The following LEKR1 variants were observed in gnomAD, a reference collection of about 807,000 sequenced individuals.
LEKR1 encodes leucine, glutamate and lysine rich 1.
In LEKR1, 59 loss-of-function variants were observed where a neutral mutation model predicts 72.4. The observed-to-expected ratio is 0.82, with a 90% confidence interval of 0.66 to 1.01. The LOEUF is 1.01. LEKR1 is among the 50% of genes least tolerant of loss of function. LEKR1 has a pLI of 0.00. For synonymous variants in LEKR1, 257 were observed against 263.2 expected (o/e 0.98, Z 0.23); for missense variants, 728 against 759.2 (o/e 0.96, Z 0.48).
intron 3 of LEKR1, among the ~76,000 whole-genome samples, chr3:156,899,723 T>G (rs36155501): frequency 2.8e-5 from 3 of 107,592 alleles, no homozygotes. Context: ...CATATATACA[T>G]GCATATATAC....
chr3:156,883,152 T>C (rs1034165998), intron 3 of LEKR1, among the ~76,000 whole-genome samples: 1 of 146,740 alleles, frequency 6.8e-6, no homozygotes, highest in Admixed American at 6.6e-5. Context: ...TAAAGTATAA[T>C]AATAATAAAG....
intron 3 of LEKR1, among the ~76,000 whole-genome samples, chr3:156,871,355 A>G (rs956236116): frequency 6.6e-6 from 1 of 152,098 alleles, no homozygotes; most frequent in Non-Finnish European, 1.5e-5. Context: ...CCAGTCTATC[A>G]TTGTTGGACA....
At chr3:157,023,982 A>T (rs1734024082) in intron 10 of LEKR1, among the ~76,000 whole-genome samples, 1 of 152,200 alleles carries the variant, frequency 6.6e-6, no homozygotes, top group African/African-American at 2.4e-5. Flanking sequence ...TATCTAAAAA[A>T]TACTGGCAAC....
At chr3:157,006,257 G>A (rs1380786754) in intron 9 of LEKR1, among the ~76,000 whole-genome samples, 7 of 150,428 alleles carry the variant, frequency 4.7e-5, no homozygotes, top group Non-Finnish European at 7.4e-5. Flanking sequence ...CACCCGCCTC[G>A]GCCTCCCAAA....
intron 9 of LEKR1, among the ~76,000 whole-genome samples, chr3:157,001,068 G>C (rs552526680): frequency 1.3e-5 from 2 of 152,164 alleles, no homozygotes; most frequent in African/African-American, 4.8e-5. Context: ...GCCTCCCCTA[G>C]CCATGCTGAA....
At chr3:156,852,732 TA>T (rs111501048) in intron 2 of LEKR1, 35 bp from the exon 3 acceptor site, 1 of 1,146,144 alleles carries the variant, frequency 8.7e-7, no homozygotes, top group Non-Finnish European at 1.2e-6. Context: ...TTTTCAGAAT[TA>T]AAAAAATTTG....
At chr3:156,846,816 T>G (rs970468761) in intron 2 of LEKR1, among the ~76,000 whole-genome samples, 1 of 152,120 alleles carries the variant, frequency 6.6e-6, no homozygotes, top group Non-Finnish European at 1.5e-5. Flanking sequence ...TATGTATGTA[T>G]GTATTTATTT....
chr3:156,988,332 G>A lies in LEKR1; in HGVS notation c.828-4321G>A, dbSNP rs188169519. On this transcript the variant is annotated intron_variant, in intron 7 of 12. Coordinates refer to ENST00000356539, the MANE Select transcript of LEKR1 (RefSeq NM_001004316.3). ...ACAGCACCATGGACTTCCACTTAGG[G>A]CCCAGCCTCTGGGTCAGCTGATTAA... is the stretch of plus-strand genomic sequence containing the variant. The A allele has an allele frequency of 2.3e-4, 51 of 219,518 alleles. No individual in the cohort carries two copies. The South Asian group carries it at 3.4e-3, about 15-fold the overall frequency. 13.6% of individuals were successfully genotyped at this position (219,518 alleles called of 1,614,324 possible). A position where few individuals can be genotyped will look rare whatever the true frequency, so the allele number is the denominator to read the frequency against.
At chr3:157,022,762 C>T (rs185636225) in intron 10 of LEKR1, among the ~76,000 whole-genome samples, 269 of 152,132 alleles carry the variant, frequency 1.8e-3, no homozygotes, top group Non-Finnish European at 3.3e-3. Flanking sequence ...TTTCTGAGTG[C>T]CCCCTGAGAC....
At chr3:156,934,831 TTAAAA>T (rs1725553277) in intron 5 of LEKR1, among the ~76,000 whole-genome samples, 1 of 152,092 alleles carries the variant, frequency 6.6e-6, no homozygotes, top group Non-Finnish European at 1.5e-5. Context: ...ACATATACAC[TTAAAA>T]TATATCATGA....
intron 3 of LEKR1, among the ~76,000 whole-genome samples, chr3:156,910,491 A>G (rs1723003983): frequency 6.6e-6 from 1 of 152,202 alleles, no homozygotes; most frequent in South Asian, 2.1e-4. Context: ...TGAAAAACTA[A>G]CTGTTGGGTA....
chr3:156,868,611 T>A (rs1259915393), intron 3 of LEKR1, among the ~76,000 whole-genome samples: 1 of 152,060 alleles, frequency 6.6e-6, no homozygotes, highest in African/African-American at 2.4e-5. Flanking sequence ...ATAGAATGTG[T>A]AATGATCAAG....
chr3:156,887,257 A>G (rs922283004), intron 3 of LEKR1, among the ~76,000 whole-genome samples: 5 of 143,212 alleles, frequency 3.5e-5, no homozygotes, highest in Non-Finnish European at 7.6e-5. Context: ...GCTCCTCCCA[A>G]TTTTTTGAAT....
intron 2 of LEKR1, among the ~76,000 whole-genome samples, chr3:156,837,033 T>A (rs185412690): frequency 0.017 from 2,619 of 152,304 alleles, 33 homozygotes; most frequent in Non-Finnish European, 0.024. Context: ...TCATCCTTTT[T>A]AAAAACTTTA....
chr3:157,024,593 T>C (rs760050124), intron 10 of LEKR1, among the ~76,000 whole-genome samples, 167 bp from the exon 11 acceptor site: 13 of 152,234 alleles, frequency 8.5e-5, no homozygotes, highest in Non-Finnish European at 1.3e-4. Context: ...TCAATTTTTC[T>C]GGCCCAAGTT....
At chr3:156,972,140 A>G (rs1010445560) in intron 6 of LEKR1, among the ~76,000 whole-genome samples, 1 of 152,194 alleles carries the variant, frequency 6.6e-6, no homozygotes, top group East Asian at 1.9e-4. Flanking sequence ...GCACATATAC[A>G]CCATGGAATA....
intron 3 of LEKR1, among the ~76,000 whole-genome samples, chr3:156,858,674 C>CAA (rs796279918): frequency 5.4e-4 from 66 of 122,152 alleles, no homozygotes; most frequent in South Asian, 2.7e-3. Context: ...GACCCTGTCT[C>CAA]AAAAAAAAAA....
At chr3:156,869,009 G>C (rs556468798) in intron 3 of LEKR1, among the ~76,000 whole-genome samples, 8 of 151,954 alleles carry the variant, frequency 5.3e-5, no homozygotes, top group Non-Finnish European at 1.0e-4. Context: ...CATCCATGTT[G>C]CTGCAAATGG....
At chr3:156,907,317 T>C (rs1722623009) in intron 3 of LEKR1, among the ~76,000 whole-genome samples, 1 of 152,110 alleles carries the variant, frequency 6.6e-6, no homozygotes, top group African/African-American at 2.4e-5. Flanking sequence ...TGGTTTCATG[T>C]CATATTTGTT....
Sources: gnomAD v4.1 joint callset for allele counts (sites outside exome capture counted in the v4.1 genomes callset) on GRCh38, gnomAD v4.1.1 for gene constraint, MANE v1.5 for transcripts, NCBI Gene and HGNC (gene_info 2026-07-23, HGNC 2026-07-21) for gene names.